EVI5: variants seen among roughly 807,000 people sequenced by gnomAD.
EVI5 encodes ecotropic viral integration site 5 protein homolog.
EVI5 carries 73 observed loss-of-function variants against 112.0 expected under a neutral mutation model. The observed-to-expected ratio is 0.65, with a 90% CI of 0.54 to 0.79. EVI5 has a LOEUF of 0.79. EVI5 is among the 30% of genes least tolerant of loss of function. The pLI is 0.00. For missense variants in EVI5, 900 were observed against 968.8 expected, an observed-to-expected ratio of 0.93 and a Z score of 0.94; for synonymous variants, 305 against 319.9, an observed-to-expected ratio of 0.95 and a Z score of 0.50.
upstream of EVI5, among the ~76,000 whole-genome samples, chr1:92,786,430 A>G (rs962531327): frequency 2.6e-5 from 4 of 152,136 alleles, no homozygotes; most frequent in African/African-American, 9.7e-5. Flanking sequence ...TTGCAACTCA[A>G]TCCTTGTATA....
At chr1:92,539,198 G>A (rs1050508943) in intron 19 of EVI5, among the ~76,000 whole-genome samples, 2 of 152,132 alleles carry the variant, frequency 1.3e-5, no homozygotes, top group Admixed American at 1.3e-4. Context: ...ATAATTGAGG[G>A]ATGGAGGAAA....
chr1:92,537,414 C>T (rs1259322595), intron 19 of EVI5, among the ~76,000 whole-genome samples: 1 of 152,072 alleles, frequency 6.6e-6, no homozygotes, highest in Non-Finnish European at 1.5e-5. Flanking sequence ...ATGTATTTTA[C>T]TTTTCATGGA....
At chr1:92,590,302 C>T (rs924281937) in intron 18 of EVI5, among the ~76,000 whole-genome samples, 10 of 152,138 alleles carry the variant, frequency 6.6e-5, no homozygotes, top group South Asian at 2.1e-4. Context: ...AGGCTTCAGA[C>T]GATCGAACTA....
intron 1 of EVI5, among the ~76,000 whole-genome samples, chr1:92,752,169 C>A (rs1680289007): frequency 6.6e-6 from 1 of 151,972 alleles, no homozygotes; most frequent in South Asian, 2.1e-4. Context: ...CTCCTTAGCC[C>A]CTTAGTTGTG....
chr1:92,691,746 T>C (rs905754888), intron 9 of EVI5, among the ~76,000 whole-genome samples: 2 of 151,790 alleles, frequency 1.3e-5, no homozygotes, highest in Admixed American at 6.6e-5. Flanking sequence ...TGAATTAGCA[T>C]TATAAAGGAA....
At chr1:92,578,515 A>C (rs995658373) in intron 18 of EVI5, among the ~76,000 whole-genome samples, 1 of 151,952 alleles carries the variant, frequency 6.6e-6, no homozygotes, top group Non-Finnish European at 1.5e-5. Flanking sequence ...GGAGATCGAG[A>C]CCATCCTGGC....
chr1:92,633,417 C>T (rs547713636), intron 14 of EVI5, among the ~76,000 whole-genome samples: 1 of 152,228 alleles, frequency 6.6e-6, no homozygotes, highest in East Asian at 1.9e-4. Context: ...ATCCCTTTAC[C>T]ATTATGTAAT....
chr1:92,692,899 C>T (rs1427004205), intron 9 of EVI5, among the ~76,000 whole-genome samples: 1 of 152,030 alleles, frequency 6.6e-6, no homozygotes, highest in African/African-American at 2.4e-5. Flanking sequence ...TAACTATGAC[C>T]GCAGGCTAAG....
At chr1:92,589,739 T>A (rs1406889322) in intron 18 of EVI5, among the ~76,000 whole-genome samples, 1 of 152,156 alleles carries the variant, frequency 6.6e-6, no homozygotes, top group African/African-American at 2.4e-5. Context: ...GACTTAAATG[T>A]CCCTGTCTGA....
At chr1:92,772,227 G>C (rs1683509372) in intron 1 of EVI5, among the ~76,000 whole-genome samples, 2 of 152,156 alleles carry the variant, frequency 1.3e-5, no homozygotes, top group South Asian at 4.2e-4. Flanking sequence ...ATAGATGGCA[G>C]AGTGGAATGT....
intron 14 of EVI5, among the ~76,000 whole-genome samples, chr1:92,631,403 G>GT (rs1248595677): frequency 6.6e-6 from 1 of 152,130 alleles, no homozygotes; most frequent in Non-Finnish European, 1.5e-5. Context: ...CACATCCCTT[G>GT]TAAGTTGGAT....
rs1054770998 is a variant in EVI5 at position 92,736,314 on chromosome 1, T to G, written c.149+84A>C. 3.3e-6 allele frequency: 3 copies of G among 898,560 alleles called. No homozygotes were observed. The South Asian group carries it at 5.1e-5, about 15-fold the overall frequency. 55.7% of individuals were successfully genotyped at this position (898,560 alleles called of 1,614,324 possible). On this transcript the variant is annotated intron_variant, in intron 2 of 19. Coordinates refer to ENST00000684568, the MANE Select transcript of EVI5 (RefSeq NM_001350197.2). ...CTTTGATAAATAAGAAACCAAAAAATAGAAAAAAAAATTCTAGTGTAAGTA... is the reference window on the plus strand; with the variant it reads ...CTTTGATAAATAAGAAACCAAAAAAGAGAAAAAAAAATTCTAGTGTAAGTA...
At chr1:92,648,218 A>C (rs1330302719) in intron 13 of EVI5, among the ~76,000 whole-genome samples, 1 of 1,982 alleles carries the variant, frequency 5.0e-4, no homozygotes, top group Non-Finnish European at 8.4e-4. Context: ...AAAAAAAAAA[A>C]CAAAAACCAG....
In EVI5 at chr1:92,669,547, C is replaced by CAAAAAAAA. The variant is rs56412396; in HGVS notation, c.1159-3563_1159-3556dup. Among the ~76,000 whole-genome samples the CAAAAAAAA allele has an allele frequency of 6.2e-4, 32 of 51,818 alleles. 5 individuals are homozygous for CAAAAAAAA. Among genetic ancestry groups the CAAAAAAAA allele is most frequent in the Admixed American group, 2.4e-3 (9 of 3,740 alleles). 34.0% of individuals were successfully genotyped at this position (51,818 alleles called of 152,430 possible). On this transcript the variant is annotated intron_variant, in intron 10 of 19. Transcript: ENST00000684568. ...TGGGCAACGGAGCAAGGCTCTGTCT[C>CAAAAAAAA]AAAAAAAAAAAAAATCACTGGGAAA...
At chr1:92,620,152 C>A (rs1332338765) in intron 16 of EVI5, among the ~76,000 whole-genome samples, 1 of 152,026 alleles carries the variant, frequency 6.6e-6, no homozygotes, top group Non-Finnish European at 1.5e-5. Flanking sequence ...TGAGAACAGC[C>A]TGACCAACAT....
intron 19 of EVI5, among the ~76,000 whole-genome samples, chr1:92,531,479 A>G (rs1029843323): frequency 6.6e-6 from 1 of 152,200 alleles, no homozygotes; most frequent in African/African-American, 2.4e-5. Context: ...CTCAAGACAC[A>G]TAATCATCAG....
intron 19 of EVI5, among the ~76,000 whole-genome samples, chr1:92,546,082 T>C (rs1299992697): frequency 6.6e-6 from 1 of 152,124 alleles, no homozygotes; most frequent in Non-Finnish European, 1.5e-5. Flanking sequence ...ACTGGAACTA[T>C]GACTTTTATA....
chr1:92,775,880 A>C (rs961348259), intron 1 of EVI5, among the ~76,000 whole-genome samples: 1 of 152,124 alleles, frequency 6.6e-6, no homozygotes, highest in Non-Finnish European at 1.5e-5. Context: ...AGGCCGAGGC[A>C]GGTGGATCAC....
chr1:92,601,691 G>C (rs1261136273), intron 18 of EVI5, among the ~76,000 whole-genome samples: 1 of 152,114 alleles, frequency 6.6e-6, no homozygotes, highest in Non-Finnish European at 1.5e-5. Flanking sequence ...GTGGTTACCA[G>C]GGGCTAGATG....
Sources: allele counts gnomAD v4.1 joint callset (sites outside exome capture counted in the v4.1 genomes callset), GRCh38; gene constraint gnomAD v4.1.1; transcripts MANE v1.5; gene names NCBI Gene and HGNC (gene_info 2026-07-23, HGNC 2026-07-21).